The following LRRC9 variants were observed in gnomAD, a reference collection of about 807,000 sequenced individuals.
LRRC9 encodes the protein leucine rich repeat containing 9, also known as leucine-rich repeat-containing protein 9.
A neutral mutation model predicts 63.2 loss-of-function variants in LRRC9; 122 were observed. The observed-to-expected ratio is 1.93, with a 90% CI of 1.67 to 2.24. LRRC9 has a LOEUF of 2.24. Among genes scored for constraint, LRRC9 ranks in the 30% most tolerant of loss-of-function variants. The pLI is 0.00. For synonymous variants in LRRC9, 366 were observed against 213.1 expected, an observed-to-expected ratio of 1.72 and a Z score of -6.25; for missense variants, 1,071 against 627.7, an observed-to-expected ratio of 1.71 and a Z score of -7.55.
chr14:60,057,103 G>A (rs1199646893), intron 30 of LRRC9, among the ~76,000 whole-genome samples: 2 of 152,144 alleles, frequency 1.3e-5, no homozygotes, highest in Non-Finnish European at 2.9e-5. Context: ...ACTGAAGTAT[G>A]AGGTTAAATA....
chr14:59,993,541 C>T (rs1451379381), intron 17 of LRRC9, among the ~76,000 whole-genome samples: 1 of 152,144 alleles, frequency 6.6e-6, no homozygotes, highest in Non-Finnish European at 1.5e-5. Context: ...AATCAAGACC[C>T]ATCAGTGTGC....
intron 29 of LRRC9, among the ~76,000 whole-genome samples, chr14:60,035,733 G>A (rs1325518689): frequency 6.6e-6 from 1 of 152,070 alleles, no homozygotes; most frequent in Non-Finnish European, 1.5e-5. Context: ...ATGGCGTTTT[G>A]GTTACTATAG....
At chr14:60,028,030 C>T (rs950950325) in exon 28 of LRRC9, 22 of 701,670 alleles carry the variant, frequency 3.1e-5, no homozygotes, top group Non-Finnish European at 5.2e-5. Context: ...GGAAAACAGA[C>T]TACGAGAACT....
At chr14:60,015,884 C>T (rs1890639705) in intron 23 of LRRC9, among the ~76,000 whole-genome samples, 1 of 152,124 alleles carries the variant, frequency 6.6e-6, no homozygotes, top group South Asian at 2.1e-4. Context: ...GCCCATTCTG[C>T]TTTTACTTGT....
At chr14:59,967,036 C>T (rs1278545940) in intron 11 of LRRC9, 60 bp from the exon 12 acceptor site, 11 of 571,964 alleles carry the variant, frequency 1.9e-5, no homozygotes, top group Non-Finnish European at 3.6e-5. Context: ...GTTATCTTAT[C>T]TATGGCTAAG....
chr14:60,036,720 C>T (rs1892464977), intron 29 of LRRC9, among the ~76,000 whole-genome samples: 1 of 35,636 alleles, frequency 2.8e-5, no homozygotes, highest in South Asian at 1.9e-3. Context: ...TAAAGTTACT[C>T]TTTGCCTCTT....
chr14:59,960,138 A>G (rs1037840035), intron 9 of LRRC9, 124 bp downstream of exon 9: 5 of 521,666 alleles, frequency 9.6e-6, no homozygotes, highest in Non-Finnish European at 1.7e-5. Context: ...GAAGTAAAGC[A>G]TGAAATATAT....
At chr14:59,974,856 C>T (rs1885941889) in intron 13 of LRRC9, 148 bp downstream of exon 13, 2 of 437,008 alleles carry the variant, frequency 4.6e-6, no homozygotes, top group Admixed American at 4.3e-5. Flanking sequence ...TGTAGTAATA[C>T]ATGACTTTCT....
rs1404886767 is a variant in LRRC9 at position 60,017,898 on chromosome 14, A to G, written c.3318-473A>G. Among the ~76,000 whole-genome samples, 7 of 152,026 alleles carry G rather than the reference A, an allele frequency of 4.6e-5. No individual in the cohort carries two copies. The highest frequency in any genetic ancestry group is 1.9e-4 in the East Asian group (1 of 5,178). ...TTCCAGAAGATACCACAGAAACTCT[A>G]TTTTCAAAGACCTTACCTGCTTTTC... is the stretch of plus-strand genomic sequence containing the variant. On this transcript the variant is annotated intron_variant, in intron 24 of 31. Coordinates refer to ENST00000445360, the Ensembl canonical transcript of LRRC9. The surrounding 1 kb of genome is among the most constrained non-coding windows in gnomAD (Gnocchi z 4.0).
At chr14:59,992,225 A>C (rs1226357173) in intron 17 of LRRC9, among the ~76,000 whole-genome samples, 1 of 152,268 alleles carries the variant, frequency 6.6e-6, no homozygotes, top group East Asian at 1.9e-4. Flanking sequence ...CCTCCAGCAA[A>C]TTCCAACAGA....
chr14:59,940,897 G>A (rs1367418682), intron 7 of LRRC9, among the ~76,000 whole-genome samples: 1 of 151,934 alleles, frequency 6.6e-6, no homozygotes, highest in East Asian at 1.9e-4. Context: ...AACAGGTGTG[G>A]AATTCTACCA....
chr14:59,995,700 G>A (rs989110379), intron 17 of LRRC9, among the ~76,000 whole-genome samples: 1 of 149,544 alleles, frequency 6.7e-6, no homozygotes, highest in Non-Finnish European at 1.5e-5. Flanking sequence ...TTCCCCCCCT[G>A]TTTTCAAGGG....
intron 8 of LRRC9, among the ~76,000 whole-genome samples, chr14:59,949,769 AG>A (rs1882906225): frequency 6.6e-6 from 1 of 150,818 alleles, no homozygotes; most frequent in Non-Finnish European, 1.5e-5. Context: ...GTAGTCATTC[AG>A]GAGCAGGTTG....
intron 29 of LRRC9, among the ~76,000 whole-genome samples, chr14:60,044,816 T>G (rs1166687340): frequency 1.3e-5 from 2 of 152,214 alleles, no homozygotes; most frequent in Non-Finnish European, 2.9e-5. Context: ...ATCTAGTGTA[T>G]AGTTTAACTT....
chr14:60,014,679 T>C (rs1243410638), intron 23 of LRRC9, among the ~76,000 whole-genome samples: 2 of 152,072 alleles, frequency 1.3e-5, no homozygotes, highest in Non-Finnish European at 2.9e-5. Flanking sequence ...TCATGCCTTT[T>C]TTCTCTGTCA....
At chr14:59,934,648 TTGTG>T (rs1889982023) in intron 6 of LRRC9, among the ~76,000 whole-genome samples, 1 of 152,092 alleles carries the variant, frequency 6.6e-6, no homozygotes, top group Non-Finnish European at 1.5e-5. Flanking sequence ...GATAACAAGA[TTGTG>T]TGTGTGCACG....
intron 30 of LRRC9, chr14:60,057,464 G>T (rs1894366695): frequency 6.5e-6 from 1 of 152,768 alleles, no homozygotes; most frequent in Non-Finnish European, 1.5e-5. Context: ...GTAATGTGAA[G>T]AATACAAAGA....
rs1883260011 is a variant in LRRC9 at position 59,952,410 on chromosome 14, A to T, written c.883-7408A>T. On this transcript the variant is annotated intron_variant, in intron 8 of 31. Transcript: ENST00000445360. Reference sequence around the variant, plus strand: ...CTGCGCCCACTGTCTGGCACTCCCTAGTGAGATGAACCGGGTACCTCAGAT... The same window carrying T: ...CTGCGCCCACTGTCTGGCACTCCCTTGTGAGATGAACCGGGTACCTCAGAT... Among the ~76,000 whole-genome samples the T allele has an allele frequency of 4.6e-5, 7 of 152,092 alleles. No homozygotes were observed. The South Asian group carries it at 1.5e-3, about 32-fold the overall frequency.
exon 27 of LRRC9, chr14:60,022,736 A>ATAT: frequency 1.6e-6 from 1 of 636,622 alleles, no homozygotes; most frequent in Non-Finnish European, 2.8e-6. Context: ...TGTTTCAGAG[A>ATAT]TATAATGAGC....
Sources: gnomAD v4.1 joint callset for allele counts (sites outside exome capture counted in the v4.1 genomes callset) on GRCh38, gnomAD v4.1.1 for gene constraint, Gnocchi (gnomAD v3.1) non-coding constraint, MANE v1.5 for transcripts, NCBI Gene and HGNC (gene_info 2026-07-23, HGNC 2026-07-21) for gene names.